The following RTP2 variants were observed in gnomAD, a reference collection of about 807,000 sequenced individuals.
RTP2 encodes the protein receptor transporter protein 2, also known as receptor-transporting protein 2.
In RTP2, 12 loss-of-function variants were observed where a neutral mutation model predicts 17.9. That is an observed-to-expected ratio of 0.67 (90% CI 0.43 to 1.09). The LOEUF is 1.09. RTP2 is among the 50% of genes least tolerant of loss of function. RTP2 has a pLI of 0.00. For missense variants in RTP2, 327 were observed against 295.7 expected, an observed-to-expected ratio of 1.11 and a Z score of -0.78; for synonymous variants, 126 against 117.7, an observed-to-expected ratio of 1.07 and a Z score of -0.46.
upstream of RTP2, among the ~76,000 whole-genome samples, chr3:187,706,368 A>C (rs932659636): frequency 2.6e-5 from 4 of 152,238 alleles, no homozygotes; most frequent in Non-Finnish European, 4.4e-5. Context: ...TTAAAAAGCT[A>C]CATTTCTTGC....
At chr3:187,709,794 T>C in the RTP2 span, among the ~76,000 whole-genome samples, 1 of 152,230 alleles carries the variant, frequency 6.6e-6, no homozygotes, top group Non-Finnish European at 1.5e-5. Flanking sequence ...AGGACATGCA[T>C]TGGCAACATA....
Position 187,698,745 on chromosome 3 carries a change from C to A in RTP2, c.431G>T (p.Arg144Leu), listed in dbSNP as rs753793072. 2.5e-6 allele frequency: 4 copies of A among 1,613,902 alleles called. No individual in the cohort carries two copies. In the African/African-American group the frequency reaches 5.3e-5, roughly 22 times the overall value. ...TGCACGATGCGGCCCGCTGTCCGGG[C>A]GGCTGGCCACGTGGATGCGGTACTG... is the stretch of plus-strand genomic sequence containing the variant. The change falls in exon 2 of 2, where the codon CGC becomes CTC. Residue 144 changes from arginine to leucine, a missense_variant. Physicochemically the swap from Arg to Leu is moderately radical, Grantham distance 102. Transcript: ENST00000358241.
At chr3:187,703,959 A>G (rs1283028895), upstream of RTP2, among the ~76,000 whole-genome samples, 1 of 152,076 alleles carries the variant, frequency 6.6e-6, no homozygotes, top group Non-Finnish European at 1.5e-5. Flanking sequence ...GTGTAACAGC[A>G]CTGTTTTCAC....
At chr3:187,713,971 C>T in the RTP2 span, among the ~76,000 whole-genome samples, 1 of 152,176 alleles carries the variant, frequency 6.6e-6, no homozygotes, top group African/African-American at 2.4e-5. Context: ...ACCACTGACA[C>T]ACAAAGTTAC....
At chr3:187,704,596 TG>T (rs1326281831), upstream of RTP2, among the ~76,000 whole-genome samples, 1 of 152,172 alleles carries the variant, frequency 6.6e-6, no homozygotes, top group East Asian at 1.9e-4. Flanking sequence ...AATGAGCTAG[TG>T]GTTTATAATA....
chr3:187,712,696 A>G, the RTP2 span, among the ~76,000 whole-genome samples: 1 of 152,162 alleles, frequency 6.6e-6, no homozygotes, highest in Admixed American at 6.5e-5. Context: ...AAACTTGGGA[A>G]CAATAGATGA....
upstream of RTP2, among the ~76,000 whole-genome samples, chr3:187,703,139 G>A (rs917394044): frequency 6.6e-6 from 1 of 152,192 alleles, no homozygotes; most frequent in Non-Finnish European, 1.5e-5. Flanking sequence ...GTGAAGACAC[G>A]GTTACCTGAA....
intron 1 of RTP2, among the ~76,000 whole-genome samples, chr3:187,701,350 T>G (rs904996271): frequency 4.6e-5 from 7 of 152,202 alleles, no homozygotes; most frequent in Non-Finnish European, 1.0e-4. Flanking sequence ...AGCTAAATCT[T>G]TTTATCACAG....
At chr3:187,713,940 G>C in the RTP2 span, among the ~76,000 whole-genome samples, 1 of 152,142 alleles carries the variant, frequency 6.6e-6, no homozygotes, top group African/African-American at 2.4e-5. Flanking sequence ...ACAAAGATAG[G>C]TGTACCTTTT....
chr3:187,705,593 G>T (rs771469284), upstream of RTP2, among the ~76,000 whole-genome samples: 8 of 152,180 alleles, frequency 5.3e-5, no homozygotes, highest in Non-Finnish European at 8.8e-5. Context: ...ACCCATTAAA[G>T]CTGAGTCCAT....
At chr3:187,700,675 C>A (rs750397000) in intron 1 of RTP2, among the ~76,000 whole-genome samples, 9 of 152,190 alleles carry the variant, frequency 5.9e-5, no homozygotes, top group Non-Finnish European at 1.2e-4. Context: ...ATCTTAAATT[C>A]AAAAATATCA....
rs780808305 is a variant in RTP2 at position 187,698,689 on chromosome 3, C to T, written c.487G>A (p.Val163Ile). 1.5e-5 allele frequency: 24 copies of T among 1,613,962 alleles called. No individual in the cohort carries two copies. The highest frequency in any genetic ancestry group is 2.0e-5 in the Non-Finnish European group (24 of 1,179,956). The change falls in exon 2 of 2, where the codon GTT (valine) becomes ATT (isoleucine). Residue 163 changes from valine to isoleucine, a missense_variant. Val to Ile is a conservative substitution (Grantham distance 29). Coordinates refer to ENST00000358241, the Ensembl canonical transcript of RTP2. ...AGCTTCTCGCTGGGCTTCCAGTGAA[C>T]GATGCCCTCCTGGCAGGCCTCACAG...
At chr3:187,703,678 G>C (rs906201805), upstream of RTP2, among the ~76,000 whole-genome samples, 4 of 152,194 alleles carry the variant, frequency 2.6e-5, no homozygotes, top group African/African-American at 9.6e-5. Context: ...AGGTGAGACA[G>C]AGGGATCCAT....
the RTP2 span, among the ~76,000 whole-genome samples, chr3:187,714,213 TA>T: frequency 1.3e-5 from 2 of 152,244 alleles, no homozygotes; most frequent in African/African-American, 2.4e-5. Flanking sequence ...GACACTAGAT[TA>T]GTGTCATATC....
chr3:187,703,756 G>T (rs1407955144), upstream of RTP2, among the ~76,000 whole-genome samples: 1 of 152,112 alleles, frequency 6.6e-6, no homozygotes, highest in Non-Finnish European at 1.5e-5. Flanking sequence ...TGCCAGGAAA[G>T]AACCTCTGAG....
At chr3:187,708,100 T>C in the RTP2 span, among the ~76,000 whole-genome samples, 1 of 152,264 alleles carries the variant, frequency 6.6e-6, no homozygotes, top group South Asian at 2.1e-4. Flanking sequence ...TTCTATGGAC[T>C]ATTTTCCCTA....
At chr3:187,706,470 A>T (rs1381381373), upstream of RTP2, among the ~76,000 whole-genome samples, 1 of 152,252 alleles carries the variant, frequency 6.6e-6, no homozygotes, top group African/African-American at 2.4e-5. Flanking sequence ...TAAAACAGAA[A>T]GATCCCTTGA....
At chr3:187,714,107 G>T in the RTP2 span, among the ~76,000 whole-genome samples, 4 of 152,126 alleles carry the variant, frequency 2.6e-5, no homozygotes, top group Non-Finnish European at 5.9e-5. Context: ...TTGCCAAATG[G>T]GATATCTTGC....
chr3:187,702,540 G>A (rs747295359), exon 1 of RTP2: 1 of 458,716 alleles, frequency 2.2e-6, no homozygotes. Flanking sequence ...ATGTGCTATG[G>A]TAAGTACGAC....
Sources: gnomAD v4.1 joint callset for allele counts (sites outside exome capture counted in the v4.1 genomes callset) on GRCh38, gnomAD v4.1.1 for gene constraint, MANE v1.5 for transcripts, NCBI Gene and HGNC (gene_info 2026-07-23, HGNC 2026-07-21) for gene names.